Variants in EPAS1 observed in about 807,000 individuals in gnomAD.
EPAS1 encodes endothelial PAS domain-containing protein 1.
EPAS1 carries 23 observed loss-of-function variants against 87.9 expected under a neutral mutation model. That is an observed-to-expected ratio of 0.26 (90% CI 0.19 to 0.37). The LOEUF (loss-of-function observed/expected upper bound fraction) is 0.37. Ranked by LOEUF, EPAS1 falls within the 10% of genes least tolerant of loss-of-function variation. EPAS1 has a pLI of 1.00. For missense variants in EPAS1, 1,138 were observed against 1,120.7 expected (o/e 1.02, Z -0.22); for synonymous variants, 508 against 444.3 (o/e 1.14, Z -1.80).
Position 46,361,232 on chromosome 2 carries a change from T to G in EPAS1, c.779+142T>G. 4 of 929,670 alleles carry G rather than the reference T, an allele frequency of 4.3e-6. No homozygotes were observed. The South Asian group carries it at 6.1e-5, about 14-fold the overall frequency. 57.6% of individuals were successfully genotyped at this position (929,670 alleles called of 1,614,324 possible). On this transcript the variant is annotated intron_variant, in intron 6 of 15. Transcript: ENST00000263734. ...ATGTTCGTGGACCTGTGCCACTGTT[T>G]CATTGCATCAGTGCCCCTCAGAGGT...
chr2:46,344,028 G>T (rs1683965926), intron 1 of EPAS1, among the ~76,000 whole-genome samples: 1 of 152,202 alleles, frequency 6.6e-6, no homozygotes, highest in Non-Finnish European at 1.5e-5. Flanking sequence ...CCCTTAAATG[G>T]CTTATGTAGG....
chr2:46,308,812 C>T (rs1255989244), intron 1 of EPAS1, among the ~76,000 whole-genome samples: 1 of 152,206 alleles, frequency 6.6e-6, no homozygotes, highest in Non-Finnish European at 1.5e-5. Flanking sequence ...GGAAGTTGTG[C>T]AAGAGGGCAC....
In EPAS1 at chr2:46,385,539, A is replaced by G. The variant is rs987975416; in HGVS notation, c.*879A>G. The G allele has an allele frequency of 2.6e-4, 39 of 152,232 alleles. No individual in the cohort carries two copies. The highest frequency in any genetic ancestry group is 8.9e-4 in the African/African-American group (37 of 41,458). The allele number at this position is 152,232 out of a possible 1,614,324, so 9.4% of individuals were successfully genotyped here. ...TGTTGTGGACACTGCAGACTTGTCC[A>G]GTGCTCCCACGGCCTGTACGGACAC... On this transcript the variant is annotated 3_prime_UTR_variant, in exon 16 of 16. Coordinates refer to ENST00000263734, the MANE Select transcript of EPAS1 (RefSeq NM_001430.5).
intron 1 of EPAS1, among the ~76,000 whole-genome samples, chr2:46,324,927 C>A (rs1182483362): frequency 6.6e-6 from 1 of 152,248 alleles, no homozygotes. Flanking sequence ...AGCTTGGGCA[C>A]AGGCTTTTGC....
At chr2:46,363,160 CTCAGT>C in intron 6 of EPAS1, among the ~76,000 whole-genome samples, 1 of 152,296 alleles carries the variant, frequency 6.6e-6, no homozygotes, top group South Asian at 2.1e-4. Flanking sequence ...CTTTGTGTAC[CTCAGT>C]AGTCTTGTGA....
chr2:46,384,657 CT>C lies in EPAS1; in HGVS notation c.2611del (p.Ter871GlufsTer27). The C allele has an allele frequency of 2.5e-6, 4 of 1,613,668 alleles. No homozygotes were observed. The highest frequency in any genetic ancestry group is 3.4e-6 in the Non-Finnish European group (4 of 1,179,994). ...TCCTCAGAGCCCTGGACCAGGCCACCTGAGCCAGGCCTTCTACCTGGGCAGC... is the reference window on the plus strand; with the variant it reads ...TCCTCAGAGCCCTGGACCAGGCCACCGAGCCAGGCCTTCTACCTGGGCAGC... ...DLLRALDQAT[*>X] On this transcript the variant is annotated frameshift_variant and stop_lost, in exon 16 of 16. Transcript: ENST00000263734. LOFTEE classifies it high-confidence loss of function.
chr2:46,347,478 G>T lies in EPAS1; in HGVS notation c.217+415G>T. On this transcript the variant is annotated intron_variant, in intron 2 of 15. Coordinates refer to ENST00000263734, the MANE Select transcript of EPAS1 (RefSeq NM_001430.5). The surrounding 1 kb of genome is among the most constrained non-coding windows in gnomAD (Gnocchi z 4.2). ...TCCAGAACAGCAAGAAGGTGTGCCCGGATGATCTTTTCCCTCTGAGAAGCC... is the reference window on the plus strand; with the variant it reads ...TCCAGAACAGCAAGAAGGTGTGCCCTGATGATCTTTTCCCTCTGAGAAGCC... 1 of 269,630 alleles carries T rather than the reference G, an allele frequency of 3.7e-6. No individual in the cohort carries two copies. The highest frequency in any genetic ancestry group is 7.3e-6 in the Non-Finnish European group (1 of 137,220). The allele number at this position is 269,630 out of a possible 1,614,324, so 16.7% of individuals were successfully genotyped here.
chr2:46,314,484 A>G (rs554401700), intron 1 of EPAS1, among the ~76,000 whole-genome samples: 2 of 152,288 alleles, frequency 1.3e-5, no homozygotes, highest in East Asian at 3.9e-4. Context: ...TGTTCAGGAA[A>G]ACGTCCTGTT....
At chr2:46,326,201 C>T (rs956966296) in intron 1 of EPAS1, among the ~76,000 whole-genome samples, 1 of 152,192 alleles carries the variant, frequency 6.6e-6, no homozygotes, top group Non-Finnish European at 1.5e-5. Flanking sequence ...CTCCCACCAG[C>T]AGGGAACCAA....
intron 1 of EPAS1, among the ~76,000 whole-genome samples, chr2:46,303,915 G>A (rs990478034): frequency 1.3e-5 from 2 of 152,136 alleles, no homozygotes; most frequent in Non-Finnish European, 2.9e-5. Flanking sequence ...AGGTTCTGAG[G>A]TGCCGCTTAA....
intron 2 of EPAS1, among the ~76,000 whole-genome samples, chr2:46,350,680 A>G (rs1684129933): frequency 1.3e-5 from 2 of 152,366 alleles, no homozygotes; most frequent in Admixed American, 6.5e-5. Flanking sequence ...CTGCATTCTG[A>G]GGGCATTAAA....
chr2:46,303,828 A>G (rs79993302), intron 1 of EPAS1, among the ~76,000 whole-genome samples: 6,339 of 152,170 alleles, frequency 0.042, 210 homozygotes, highest in Middle Eastern at 0.11. Context: ...CAGATCCCAG[A>G]CAGTTCTTGT....
chr2:46,323,613 C>G (rs1156673712), intron 1 of EPAS1, among the ~76,000 whole-genome samples: 2 of 152,168 alleles, frequency 1.3e-5, no homozygotes, highest in African/African-American at 2.4e-5. Context: ...CTGGCCAAAC[C>G]AAAACACATT....
intron 1 of EPAS1, among the ~76,000 whole-genome samples, chr2:46,303,595 G>A (rs1017542682): frequency 6.6e-5 from 10 of 152,220 alleles, no homozygotes; most frequent in African/African-American, 2.2e-4. Flanking sequence ...AGGCCAAGAA[G>A]GGAGAGGGAG....
Position 46,375,313 on chromosome 2 carries a change from G to A in EPAS1, c.887-377G>A, listed in dbSNP as rs1398222355. ...CAGTGTGAAGGGGCTTCTTCTCATT[G>A]AACCCCATGAAGAAAGTAAGGCAGG... On this transcript the variant is annotated intron_variant, in intron 7 of 15. Coordinates refer to ENST00000263734, the MANE Select transcript of EPAS1 (RefSeq NM_001430.5). The surrounding 1 kb of genome is among the most constrained non-coding windows in gnomAD (Gnocchi z 4.1). 6.6e-6 allele frequency among the ~76,000 whole-genome samples: 1 copy of A among 151,826 alleles called. No individual in the cohort carries two copies. Among genetic ancestry groups the A allele is most frequent in the Non-Finnish European group, 1.5e-5 (1 of 67,982 alleles).
chr2:46,347,865 G>C lies in EPAS1; in HGVS notation c.217+802G>C, dbSNP rs968969618. Among the ~76,000 whole-genome samples, 4 of 152,218 alleles carry C rather than the reference G, an allele frequency of 2.6e-5. No individual in the cohort carries two copies. In the South Asian group the frequency reaches 8.3e-4, roughly 32 times the overall value. On this transcript the variant is annotated intron_variant, in intron 2 of 15. Coordinates refer to ENST00000263734, the MANE Select transcript of EPAS1 (RefSeq NM_001430.5). This position sits in a 1 kb window ranked among gnomAD's most constrained non-coding sequence, Gnocchi z 4.2. ...CATTCTCGTCAGGGGTGTCAGTTCT[G>C]TAAGGACGCTGGGCAACGAGTTGTG...
intron 1 of EPAS1, among the ~76,000 whole-genome samples, chr2:46,344,413 TG>T (rs1683976137): frequency 1.3e-5 from 2 of 152,214 alleles, no homozygotes; most frequent in African/African-American, 2.4e-5. Flanking sequence ...CGAGGTTATG[TG>T]TTGATGATGC....
chr2:46,299,676 CA>C (rs1682958315), intron 1 of EPAS1, among the ~76,000 whole-genome samples: 1 of 152,166 alleles, frequency 6.6e-6, no homozygotes, highest in African/African-American at 2.4e-5. Context: ...GTAATCTTGA[CA>C]AATGTGTGAA....
chr2:46,352,294 C>T (rs1298198658), intron 2 of EPAS1, among the ~76,000 whole-genome samples: 2 of 152,218 alleles, frequency 1.3e-5, no homozygotes, highest in African/African-American at 4.8e-5. Flanking sequence ...GTTTATCTGT[C>T]TTCCCCACCA....
Sources: allele counts gnomAD v4.1 joint callset (sites outside exome capture counted in the v4.1 genomes callset), GRCh38; gene constraint gnomAD v4.1.1; non-coding constraint Gnocchi (gnomAD v3.1); transcripts MANE v1.5; gene names NCBI Gene and HGNC (gene_info 2026-07-23, HGNC 2026-07-21).